Variants in KLF12 observed in about 807,000 individuals in gnomAD.
KLF12 encodes the protein KLF transcription factor 12.
Under a neutral mutation model 37.8 loss-of-function variants are expected in KLF12, and 9 were observed. That is an observed-to-expected ratio of 0.24 (90% confidence interval 0.14 to 0.42). KLF12 has a LOEUF of 0.42. Among genes scored for constraint, KLF12 ranks in the 10% least tolerant of loss-of-function variants. The pLI, the probability that KLF12 is intolerant of heterozygous loss-of-function variation, is 1.00. For synonymous variants in KLF12, 208 were observed against 202.1 expected (o/e 1.03, Z -0.25); for missense variants, 411 against 516.0 (o/e 0.80, Z 1.97).
intron 6 of KLF12, among the ~76,000 whole-genome samples, chr13:73,760,332 T>C (rs189253252): frequency 2.0e-5 from 3 of 152,258 alleles, no homozygotes; most frequent in Admixed American, 2.0e-4. Context: ...CCTACATATA[T>C]AGTTTTTTCA....
At chr13:74,306,044 A>G in the KLF12 span, among the ~76,000 whole-genome samples, 1 of 152,128 alleles carries the variant, frequency 6.6e-6, no homozygotes, top group Non-Finnish European at 1.5e-5. Context: ...GTGCTGAAAC[A>G]CAACTCAGGA....
intron 3 of KLF12, among the ~76,000 whole-genome samples, chr13:73,936,772 G>A (rs563307876): frequency 2.0e-5 from 3 of 152,140 alleles, no homozygotes; most frequent in South Asian, 4.2e-4. Context: ...AAGGACCATC[G>A]CTTGTTGTCC....
intron 1 of KLF12, among the ~76,000 whole-genome samples, chr13:74,055,226 G>A (rs889609122): frequency 5.3e-5 from 8 of 152,132 alleles, no homozygotes; most frequent in Admixed American, 2.6e-4. Flanking sequence ...CCAAAATATC[G>A]TGTAGTGTTG....
the KLF12 span, among the ~76,000 whole-genome samples, chr13:74,139,484 C>A: frequency 1.3e-5 from 2 of 152,248 alleles, no homozygotes; most frequent in Admixed American, 1.3e-4. Flanking sequence ...TTGAAAATAA[C>A]AAAATTCTGC....
the KLF12 span, among the ~76,000 whole-genome samples, chr13:74,300,164 T>C: frequency 2.0e-5 from 3 of 152,164 alleles, no homozygotes; most frequent in African/African-American, 7.2e-5. Flanking sequence ...TTTTAAAATT[T>C]TCTTTTAGAA....
chr13:74,248,324 C>G, the KLF12 span, among the ~76,000 whole-genome samples: 24 of 152,332 alleles, frequency 1.6e-4, no homozygotes, highest in East Asian at 3.5e-3. Context: ...GCCAGTCTTT[C>G]TCTGCTGATG....
intron 1 of KLF12, among the ~76,000 whole-genome samples, chr13:74,069,281 G>GGCA (rs1330918004): frequency 2.0e-5 from 3 of 152,158 alleles, no homozygotes; most frequent in Non-Finnish European, 4.4e-5. Context: ...GGTTCCACAG[G>GGCA]GCAGGACTTG....
At chr13:74,145,250 T>C in the KLF12 span, among the ~76,000 whole-genome samples, 1 of 152,306 alleles carries the variant, frequency 6.6e-6, no homozygotes, top group South Asian at 2.1e-4. Context: ...TCCATCACTA[T>C]CAAACTTGTG....
chr13:74,246,450 C>T, the KLF12 span, among the ~76,000 whole-genome samples: 1 of 152,288 alleles, frequency 6.6e-6, no homozygotes, highest in South Asian at 2.1e-4. Context: ...CAGTTATTTG[C>T]TCTTGTTTTT....
rs1381038718 is a variant in KLF12, at chr13:73,743,274, T to C, written c.869+21664A>G. ...TATGAGAAAACTGGGAGTGAGGAGT[T>C]AGGCATATTCATCTATGAATAACAT... is the stretch of plus-strand genomic sequence containing the variant. On this transcript the variant is annotated intron_variant, in intron 6 of 7. Transcript: ENST00000377669. Among the ~76,000 whole-genome samples, 5 of 152,298 alleles carry C rather than the reference T, an allele frequency of 3.3e-5. No individual in the cohort carries two copies. The East Asian group carries it at 9.6e-4, about 29-fold the overall frequency.
the KLF12 span, among the ~76,000 whole-genome samples, chr13:74,288,236 G>A: frequency 6.6e-6 from 1 of 152,168 alleles, no homozygotes; most frequent in Non-Finnish European, 1.5e-5. Context: ...CTAGTGGAAG[G>A]CAAATAATTA....
the KLF12 span, among the ~76,000 whole-genome samples, chr13:74,173,996 A>G: frequency 6.6e-6 from 1 of 152,188 alleles, no homozygotes; most frequent in Non-Finnish European, 1.5e-5. Flanking sequence ...TCCATGGGCT[A>G]ATAACACAGC....
At chr13:73,781,930 C>T (rs913638730) in intron 5 of KLF12, among the ~76,000 whole-genome samples, 14 of 152,036 alleles carry the variant, frequency 9.2e-5, no homozygotes, top group African/African-American at 3.4e-4. Flanking sequence ...AGAAACAAGG[C>T]AATACAATTT....
At chr13:73,761,129 G>T (rs1484473469) in intron 6 of KLF12, among the ~76,000 whole-genome samples, 1 of 137,226 alleles carries the variant, frequency 7.3e-6, no homozygotes, top group African/African-American at 2.8e-5. Context: ...CAATTAAAAA[G>T]ATCTGCCAAG....
At chr13:73,697,670 T>C (rs556639044) in intron 7 of KLF12, among the ~76,000 whole-genome samples, 5 of 152,318 alleles carry the variant, frequency 3.3e-5, no homozygotes, top group Middle Eastern at 3.4e-3. Context: ...CTTTGGTACA[T>C]TGAGCTGAGC....
Position 73,717,494 on chromosome 13 carries a change from G to A in KLF12, c.870-1969C>T, listed in dbSNP as rs114194142. Among the ~76,000 whole-genome samples, 1,110 of 152,288 alleles carry A rather than the reference G, an allele frequency of 7.3e-3. 18 individuals are homozygous for A. The highest frequency in any genetic ancestry group is 0.025 in the African/African-American group (1,054 of 41,552). On this transcript the variant is annotated intron_variant, in intron 6 of 7. Transcript: ENST00000377669. ...TTGCTCCAGTGAATTTTTTCTGAAA[G>A]TCTCTTTCTGCACACGTGTCTTCAG...
intron 4 of KLF12, among the ~76,000 whole-genome samples, chr13:73,816,861 C>A (rs865991598): frequency 3.3e-5 from 5 of 152,288 alleles, no homozygotes; most frequent in African/African-American, 1.2e-4. Context: ...GGCGGCCAAT[C>A]CCACTGTGAG....
At position 73,734,810 on chromosome 13, in the gene KLF12, G is replaced by A. The variant is rs1454207522; in HGVS notation, c.870-19285C>T. Among the ~76,000 whole-genome samples, 5 of 152,230 alleles carry A rather than the reference G, an allele frequency of 3.3e-5. No homozygotes were observed. In the East Asian group the frequency reaches 9.7e-4, roughly 29 times the overall value. ...TCGAGTGTTTTCATTTTGCAGATAAGAAAACTAAGGCTCACGAAAGGTACA... is the reference window on the plus strand; with the variant it reads ...TCGAGTGTTTTCATTTTGCAGATAAAAAAACTAAGGCTCACGAAAGGTACA... On this transcript the variant is annotated intron_variant, in intron 6 of 7. Coordinates refer to ENST00000377669, the MANE Select transcript of KLF12 (RefSeq NM_007249.5).
chr13:74,088,009 G>T (rs1763365981), intron 1 of KLF12, among the ~76,000 whole-genome samples: 1 of 152,040 alleles, frequency 6.6e-6, no homozygotes, highest in South Asian at 2.1e-4. Flanking sequence ...CTTATTCCTT[G>T]AAACTTCACA....
Sources: allele counts gnomAD v4.1 joint callset (sites outside exome capture counted in the v4.1 genomes callset), GRCh38; gene constraint gnomAD v4.1.1; transcripts MANE v1.5; gene names NCBI Gene and HGNC (gene_info 2026-07-23, HGNC 2026-07-21).